The following CTNNA2 variants were observed in gnomAD, a reference collection of about 807,000 sequenced individuals.
CTNNA2 encodes catenin alpha-2.
CTNNA2 carries 42 observed loss-of-function variants against 101.0 expected under a neutral mutation model. That is an observed-to-expected ratio of 0.42 (90% CI 0.32 to 0.54). CTNNA2 has a LOEUF of 0.54. Ranked by LOEUF, CTNNA2 falls within the 20% of genes least tolerant of loss-of-function variation. CTNNA2 has a pLI of 0.14. For missense variants in CTNNA2, 871 were observed against 1,223.1 expected, an observed-to-expected ratio of 0.71 and a Z score of 4.29; for synonymous variants, 450 against 456.4, an observed-to-expected ratio of 0.99 and a Z score of 0.18.
At chr2:79,212,418 C>G (rs145454818) in intron 2 of CTNNA2, among the ~76,000 whole-genome samples, 1,611 of 152,278 alleles carry the variant, frequency 0.011, 25 homozygotes, top group African/African-American at 0.036. Context: ...ATTCTGAGGA[C>G]AGGCCTGAAT....
At chr2:79,199,983 T>C (rs966901302) in intron 2 of CTNNA2, among the ~76,000 whole-genome samples, 4 of 152,220 alleles carry the variant, frequency 2.6e-5, no homozygotes, top group African/African-American at 9.6e-5. Flanking sequence ...GCCACCACTT[T>C]CTTTAATTTT....
intron 18 of CTNNA2, among the ~76,000 whole-genome samples, chr2:80,629,191 T>C (rs192532923): frequency 3.3e-5 from 5 of 152,204 alleles, no homozygotes; most frequent in Admixed American, 2.0e-4. Context: ...CCGGTTCTTA[T>C]ATCATGTCTA....
intron 7 of CTNNA2, among the ~76,000 whole-genome samples, chr2:79,950,194 AAG>A (rs10569389): frequency 1 from 152,111 of 152,114 alleles, 76,054 homozygotes; most frequent in Middle Eastern, 1. Context: ...TAGTGACATT[AAG>A]AGAGAAAGCA....
intron 7 of CTNNA2, among the ~76,000 whole-genome samples, chr2:79,983,120 TTATATATATATGTGTA>T: frequency 6.7e-6 from 1 of 149,938 alleles, no homozygotes; most frequent in South Asian, 2.1e-4. Flanking sequence ...GTCAACAGTT[TTATATATATATGTGTA>T]TATATATATA....
chr2:79,852,678 G>T (rs62141575), intron 3 of CTNNA2, among the ~76,000 whole-genome samples: 1 of 152,024 alleles, frequency 6.6e-6, no homozygotes, highest in African/African-American at 2.4e-5. Context: ...TGCAACCTCC[G>T]CCTTCCGGGT....
At chr2:79,798,314 C>G (rs1474067080) in intron 3 of CTNNA2, among the ~76,000 whole-genome samples, 1 of 152,154 alleles carries the variant, frequency 6.6e-6, no homozygotes, top group African/African-American at 2.4e-5. Flanking sequence ...CATCACTATA[C>G]TAAGGTCCAT....
intron 2 of CTNNA2, among the ~76,000 whole-genome samples, chr2:79,227,665 A>T (rs1330558158): frequency 6.6e-6 from 1 of 152,216 alleles, no homozygotes; most frequent in Non-Finnish European, 1.5e-5. Context: ...AAATAGCATT[A>T]TGTCTAAAAT....
chr2:79,454,953 C>G (rs1440510319), intron 4 of CTNNA2, among the ~76,000 whole-genome samples: 1 of 152,082 alleles, frequency 6.6e-6, no homozygotes, highest in African/African-American at 2.4e-5. Flanking sequence ...AGTGCAGGGG[C>G]AAAGACTGTG....
At chr2:79,383,805 T>A (rs1678067088) in intron 4 of CTNNA2, among the ~76,000 whole-genome samples, 2 of 152,200 alleles carry the variant, frequency 1.3e-5, no homozygotes, top group Admixed American at 6.5e-5. Flanking sequence ...CTGCCAGTCC[T>A]TTGCTGAAAT....
At chr2:80,206,474 C>T (rs1027640028) in intron 7 of CTNNA2, among the ~76,000 whole-genome samples, 4 of 152,182 alleles carry the variant, frequency 2.6e-5, no homozygotes, top group Admixed American at 6.5e-5. Context: ...ATCCAATGTT[C>T]TTTAACAAGA....
chr2:80,216,883 G>A (rs944732439), intron 7 of CTNNA2, among the ~76,000 whole-genome samples: 12 of 149,408 alleles, frequency 8.0e-5, no homozygotes, highest in Admixed American at 2.0e-4. Flanking sequence ...TGTCACCCAG[G>A]CTGTAGTGCA....
At chr2:80,561,089 TAG>T (rs1237779946) in intron 12 of CTNNA2, among the ~76,000 whole-genome samples, 2 of 152,166 alleles carry the variant, frequency 1.3e-5, no homozygotes, top group East Asian at 1.9e-4. Context: ...GCTAGTGGAA[TAG>T]AGTTTTATGA....
At position 79,669,151 on chromosome 2, in the gene CTNNA2, T is replaced by C. The variant is rs1682649365; in HGVS notation, c.102+17493T>C. The stretch of plus-strand genomic sequence containing the variant: ...TAACTTTTCTTAGATATGCCCCACT[T>C]GGGGACTATCTTTAAGGGCCATGAA... On this transcript the variant is annotated intron_variant, in intron 2 of 18. Coordinates refer to ENST00000402739, the MANE Select transcript of CTNNA2 (RefSeq NM_001282597.3). Among the ~76,000 whole-genome samples, 2 of 152,180 alleles carry C rather than the reference T, an allele frequency of 1.3e-5. 1 individual carries two copies. Among genetic ancestry groups the C allele is most frequent in the South Asian group, 4.1e-4 (2 of 4,832 alleles).
chr2:79,556,367 G>C (rs1674445194), intron 1 of CTNNA2, among the ~76,000 whole-genome samples: 2 of 151,952 alleles, frequency 1.3e-5, no homozygotes, highest in Admixed American at 6.6e-5. Context: ...TGGTGACTTG[G>C]ACCTCCCTAG....
intron 3 of CTNNA2, among the ~76,000 whole-genome samples, chr2:79,371,007 G>A (rs1181607740): frequency 6.6e-6 from 1 of 152,076 alleles, no homozygotes; most frequent in African/African-American, 2.4e-5. Context: ...GCACTGAGCT[G>A]ATCAGCTTTT....
intron 3 of CTNNA2, among the ~76,000 whole-genome samples, chr2:79,338,393 T>A (rs1677045279): frequency 6.6e-6 from 1 of 151,920 alleles, no homozygotes; most frequent in African/African-American, 2.4e-5. Flanking sequence ...GGAGGATGTA[T>A]GTCAAGGAAC....
chr2:80,036,586 C>T (rs1695665375), intron 7 of CTNNA2, among the ~76,000 whole-genome samples: 2 of 151,994 alleles, frequency 1.3e-5, no homozygotes, highest in Non-Finnish European at 2.9e-5. Context: ...GCCTGGGCAA[C>T]AGAGTGAGAC....
At chr2:80,125,429 A>G (rs368719124) in intron 7 of CTNNA2, among the ~76,000 whole-genome samples, 2 of 152,146 alleles carry the variant, frequency 1.3e-5, no homozygotes, top group African/African-American at 4.8e-5. Context: ...GACTGTAGAC[A>G]GCTCTTGGAT....
chr2:79,482,407 C>A (rs972277532), intron 4 of CTNNA2, among the ~76,000 whole-genome samples: 1 of 152,176 alleles, frequency 6.6e-6, no homozygotes, highest in African/African-American at 2.4e-5. Context: ...CAGAAGTTTG[C>A]ACAATGTACT....
Sources: allele counts gnomAD v4.1 joint callset (sites outside exome capture counted in the v4.1 genomes callset), GRCh38; gene constraint gnomAD v4.1.1; transcripts MANE v1.5; gene names NCBI Gene and HGNC (gene_info 2026-07-23, HGNC 2026-07-21).